RCAN2: variants seen among roughly 807,000 people sequenced by gnomAD.
The protein encoded by RCAN2 is calcipressin-2.
RCAN2 carries 9 observed loss-of-function variants against 23.6 expected under a neutral mutation model. The ratio of observed to expected loss-of-function variants is 0.38; its 90% confidence interval spans 0.23 to 0.67. The LOEUF is 0.67. RCAN2 is among the 30% of genes least tolerant of loss of function. The pLI, the probability that RCAN2 is intolerant of heterozygous loss-of-function variation, is 0.51. For synonymous variants in RCAN2, 109 were observed against 115.7 expected, an observed-to-expected ratio of 0.94 and a Z score of 0.37; for missense variants, 273 against 302.3, an observed-to-expected ratio of 0.90 and a Z score of 0.72.
At chr6:46,246,603 T>C in intron 4 of RCAN2, 145 bp downstream of exon 4, 2 of 686,702 alleles carry the variant, frequency 2.9e-6, no homozygotes, top group South Asian at 4.1e-5. Context: ...TCATCCATCA[T>C]TCCCTCTCAT....
At chr6:46,430,943 C>CCAT (rs1767181055) in intron 2 of RCAN2, among the ~76,000 whole-genome samples, 1 of 152,092 alleles carries the variant, frequency 6.6e-6, no homozygotes, top group Non-Finnish European at 1.5e-5. Flanking sequence ...ACCCCAGATG[C>CCAT]CATCAATCAG....
chr6:46,429,649 G>T (rs958910775), intron 2 of RCAN2, among the ~76,000 whole-genome samples: 1 of 152,122 alleles, frequency 6.6e-6, no homozygotes, highest in Non-Finnish European at 1.5e-5. Flanking sequence ...TATATGCCAG[G>T]CACTGTGCCA....
chr6:46,228,290 T>C (rs563097644), intron 4 of RCAN2, among the ~76,000 whole-genome samples: 3 of 152,310 alleles, frequency 2.0e-5, no homozygotes, highest in African/African-American at 2.4e-5. Context: ...GTCTATTAGG[T>C]CTGCTTGGTG....
chr6:46,385,299 A>T (rs1203987654), intron 2 of RCAN2, among the ~76,000 whole-genome samples: 2 of 152,162 alleles, frequency 1.3e-5, no homozygotes, highest in Non-Finnish European at 2.9e-5. Flanking sequence ...TCTACAATAC[A>T]CCAAGGAACT....
intron 2 of RCAN2, among the ~76,000 whole-genome samples, chr6:46,370,193 C>T (rs2150388566): frequency 6.6e-6 from 1 of 152,312 alleles, no homozygotes; most frequent in South Asian, 2.1e-4. Flanking sequence ...AAATCACTCT[C>T]CTTCTGGACT....
intron 2 of RCAN2, among the ~76,000 whole-genome samples, chr6:46,296,544 C>G (rs887896274): frequency 6.6e-6 from 1 of 152,094 alleles, no homozygotes; most frequent in African/African-American, 2.4e-5. Context: ...TTCTTTGTAA[C>G]TAATTGAATT....
At chr6:46,373,733 CAG>C (rs369955018) in intron 2 of RCAN2, among the ~76,000 whole-genome samples, 107 of 152,274 alleles carry the variant, frequency 7.0e-4, no homozygotes, top group African/African-American at 2.4e-3. Context: ...GCAAACATAA[CAG>C]AGTCTTCAGG....
At chr6:46,316,376 A>G (rs1235004224) in intron 2 of RCAN2, among the ~76,000 whole-genome samples, 1 of 152,218 alleles carries the variant, frequency 6.6e-6, no homozygotes, top group Non-Finnish European at 1.5e-5. Context: ...CGAGGCACAG[A>G]GCAGTAAGGA....
Position 46,243,828 on chromosome 6 carries a change from AAAAAC to A in RCAN2, c.571+2915_571+2919del, listed in dbSNP as rs1284176954. On this transcript the variant is annotated intron_variant, in intron 4 of 4. Coordinates refer to ENST00000371374, the MANE Select transcript of RCAN2 (RefSeq NM_001251974.2). ...CTGTCTCAAAAAAAAAAAAAAAAAA[AAAAAC>A]CAAGAAATAATTCTTGATTCAGGGT... Among the ~76,000 whole-genome samples the A allele has an allele frequency of 6.0e-5, 9 of 150,748 alleles. No individual in the cohort carries two copies. The South Asian group carries it at 1.5e-3, about 25-fold the overall frequency.
At chr6:46,245,410 C>T (rs1213573678) in intron 4 of RCAN2, among the ~76,000 whole-genome samples, 1 of 152,126 alleles carries the variant, frequency 6.6e-6, no homozygotes, top group Non-Finnish European at 1.5e-5. Flanking sequence ...ACCAGCTTTT[C>T]TTGGTTTGCC....
intron 2 of RCAN2, among the ~76,000 whole-genome samples, chr6:46,346,754 C>T (rs879280912): frequency 2.0e-5 from 3 of 151,784 alleles, no homozygotes; most frequent in Non-Finnish European, 4.4e-5. Context: ...CCAATAATTT[C>T]GGTTTTCTTC....
At chr6:46,423,543 C>T (rs949936021) in intron 2 of RCAN2, among the ~76,000 whole-genome samples, 3 of 152,120 alleles carry the variant, frequency 2.0e-5, no homozygotes, top group Non-Finnish European at 4.4e-5. Flanking sequence ...GAATACTGAC[C>T]CTTCCTCTCT....
At chr6:46,264,942 A>G (rs564421721) in intron 2 of RCAN2, among the ~76,000 whole-genome samples, 1 of 152,314 alleles carries the variant, frequency 6.6e-6, no homozygotes, top group African/African-American at 2.4e-5. Context: ...AGATTAAACG[A>G]TCTGCCTAAG....
intron 4 of RCAN2, among the ~76,000 whole-genome samples, chr6:46,238,272 C>T (rs1196814212): frequency 2.0e-5 from 3 of 152,164 alleles, no homozygotes; most frequent in Admixed American, 6.5e-5. Context: ...CTGCACACAT[C>T]GCCGACCCCT....
intron 2 of RCAN2, among the ~76,000 whole-genome samples, chr6:46,259,348 G>C (rs1215985981): frequency 6.6e-6 from 1 of 152,138 alleles, no homozygotes; most frequent in Non-Finnish European, 1.5e-5. Context: ...TCTTGGTAAA[G>C]ACCAATGCAA....
At chr6:46,384,376 A>G (rs954868371) in intron 2 of RCAN2, among the ~76,000 whole-genome samples, 5 of 152,234 alleles carry the variant, frequency 3.3e-5, no homozygotes, top group African/African-American at 1.2e-4. Context: ...CAAAACAAGG[A>G]TTATCAGTAG....
chr6:46,330,084 A>T (rs2150366417), intron 2 of RCAN2, among the ~76,000 whole-genome samples: 1 of 152,344 alleles, frequency 6.6e-6, no homozygotes, highest in African/African-American at 2.4e-5. Flanking sequence ...GAGAATTTCA[A>T]ATATATTCAG....
chr6:46,418,388 C>T (rs912477474), intron 2 of RCAN2, among the ~76,000 whole-genome samples: 16 of 152,134 alleles, frequency 1.1e-4, no homozygotes, highest in African/African-American at 3.1e-4. Context: ...GCCACTTTTT[C>T]GCCATCCAGA....
At chr6:46,468,693 G>T in intron 1 of RCAN2, 1 of 466,476 alleles carries the variant, frequency 2.1e-6, no homozygotes, top group Non-Finnish European at 2.8e-6. Context: ...GATATGCTGT[G>T]CTGACGAGAC....
Sources: allele counts gnomAD v4.1 joint callset (sites outside exome capture counted in the v4.1 genomes callset), GRCh38; gene constraint gnomAD v4.1.1; transcripts MANE v1.5; gene names NCBI Gene and HGNC (gene_info 2026-07-23, HGNC 2026-07-21).